ADGRL3: variants seen among roughly 807,000 people sequenced by gnomAD.
ADGRL3 encodes the protein adhesion G protein-coupled receptor L3.
ADGRL3 carries 62 observed loss-of-function variants against 153.5 expected under a neutral mutation model. That is an observed-to-expected ratio of 0.40 (90% CI 0.33 to 0.50). The LOEUF is 0.50. ADGRL3 is among the 20% of genes least tolerant of loss of function. ADGRL3 has a pLI of 0.47. For synonymous variants in ADGRL3, 710 were observed against 672.5 expected (o/e 1.06, Z -0.86); for missense variants, 1,641 against 1,859.4 (o/e 0.88, Z 2.16).
At chr4:61,311,609 G>A (rs1247847706) in intron 1 of ADGRL3, among the ~76,000 whole-genome samples, 1 of 152,130 alleles carries the variant, frequency 6.6e-6, no homozygotes. Context: ...TACCTTATGT[G>A]TCTTAGTGTT....
intron 4 of ADGRL3, 46 bp downstream of exon 4, chr4:61,517,564 G>A (rs1315494067): frequency 2.9e-6 from 2 of 695,586 alleles, no homozygotes; most frequent in Non-Finnish European, 5.3e-6. Context: ...GCTGGGCAGG[G>A]GCTCCTGAGA....
At chr4:61,485,139 G>A (rs2098175591) in intron 2 of ADGRL3, among the ~76,000 whole-genome samples, 1 of 152,092 alleles carries the variant, frequency 6.6e-6, no homozygotes, top group Admixed American at 6.6e-5. Flanking sequence ...CATTAAGAAA[G>A]GTGCTTAATT....
rs2096613267 is a variant in ADGRL3 at position 61,377,145 on chromosome 4, A to G, written c.-239-5979A>G. On this transcript the variant is annotated intron_variant, in intron 1 of 26. Transcript: ENST00000683033. ...GCCTTTACCTTCCCTATCATATCCT[A>G]TGGTATGGTATGGTAGGGAATGGTA... Among the ~76,000 whole-genome samples the G allele has an allele frequency of 2.0e-5, 3 of 151,846 alleles. 1 individual carries two copies. The East Asian group carries it at 5.8e-4, about 29-fold the overall frequency.
intron 5 of ADGRL3, among the ~76,000 whole-genome samples, chr4:61,593,159 A>G (rs1307401829): frequency 6.6e-6 from 1 of 151,852 alleles, no homozygotes; most frequent in Non-Finnish European, 1.5e-5. Context: ...TCATCCTCCC[A>G]CTTTTTAACA....
rs2097290252 is a variant in ADGRL3 at position 61,787,411 on chromosome 4, A to G, written c.1400-26398A>G. ...CATATATGACAGTGATTTGGGAATG[A>G]CTAATTTTTTTGCTAGACAATATCT... On this transcript the variant is annotated intron_variant, in intron 8 of 26. Coordinates refer to ENST00000683033, the MANE Select transcript of ADGRL3 (RefSeq NM_001387552.1). 6.6e-5 allele frequency among the ~76,000 whole-genome samples: 10 copies of G among 152,026 alleles called. No individual in the cohort carries two copies. The South Asian group carries it at 2.1e-3, about 32-fold the overall frequency.
intron 5 of ADGRL3, among the ~76,000 whole-genome samples, chr4:61,589,307 C>T (rs2098959615): frequency 1.3e-5 from 2 of 152,004 alleles, no homozygotes; most frequent in East Asian, 1.9e-4. Context: ...TTAGACTTGT[C>T]CAAAGTAAAT....
chr4:61,733,649 A>G (rs1264755399), intron 8 of ADGRL3, 95 bp downstream of exon 8: 1 of 919,970 alleles, frequency 1.1e-6, no homozygotes, highest in Non-Finnish European at 1.6e-6. Context: ...TATTTGTGGT[A>G]TTCTGGCCTG....
rs60136389 is a variant in ADGRL3 at position 61,314,419 on chromosome 4, G to A, written c.-239-68705G>A. Among the ~76,000 whole-genome samples, 801 of 152,208 alleles carry A rather than the reference G, an allele frequency of 5.3e-3. 8 individuals are homozygous for A. The highest frequency in any genetic ancestry group is 0.018 in the African/African-American group (761 of 41,546). ...AGATGGGGTTTCTCCACGTTGTTCA[G>A]GCTGGTCTCGAACTCCTGACCTCAG... On this transcript the variant is annotated intron_variant, in intron 1 of 26. Coordinates refer to ENST00000683033, the MANE Select transcript of ADGRL3 (RefSeq NM_001387552.1).
At chr4:61,911,217 G>A (rs1456394110) in intron 12 of ADGRL3, among the ~76,000 whole-genome samples, 3 of 152,086 alleles carry the variant, frequency 2.0e-5, no homozygotes, top group Non-Finnish European at 4.4e-5. Context: ...ACTTGTTATA[G>A]CAATACTTTG....
intron 8 of ADGRL3, among the ~76,000 whole-genome samples, chr4:61,750,668 T>A (rs977277333): frequency 6.6e-6 from 1 of 151,008 alleles, no homozygotes; most frequent in African/African-American, 2.4e-5. Flanking sequence ...CGGGCGCCTG[T>A]AGTCCCAGCT....
At chr4:62,026,438 A>T (rs1718588627) in intron 21 of ADGRL3, among the ~76,000 whole-genome samples, 1 of 152,112 alleles carries the variant, frequency 6.6e-6, no homozygotes, top group Non-Finnish European at 1.5e-5. Context: ...GCAAAGTATA[A>T]GTGAAGCTGG....
chr4:61,771,729 C>G (rs1231281660), intron 8 of ADGRL3, among the ~76,000 whole-genome samples: 1 of 151,964 alleles, frequency 6.6e-6, no homozygotes. Context: ...TCCCCACCAC[C>G]TTTTTTAAAC....
At chr4:61,516,775 T>C (rs1173108257) in intron 3 of ADGRL3, among the ~76,000 whole-genome samples, 1 of 152,056 alleles carries the variant, frequency 6.6e-6, no homozygotes, top group African/African-American at 2.4e-5. Context: ...CCTGAAAACA[T>C]ACAAATAAGT....
chr4:61,271,949 A>G (rs2093206591), intron 1 of ADGRL3, among the ~76,000 whole-genome samples: 1 of 152,078 alleles, frequency 6.6e-6, no homozygotes, highest in Admixed American at 6.6e-5. Flanking sequence ...AGGAAAATGT[A>G]GTTCTTTAAC....
intron 2 of ADGRL3, among the ~76,000 whole-genome samples, chr4:61,429,157 G>A (rs2097325024): frequency 6.6e-6 from 1 of 152,112 alleles, no homozygotes; most frequent in African/African-American, 2.4e-5. Flanking sequence ...AACAATCACA[G>A]TATTGTTTGA....
At chr4:61,574,085 T>C (rs945452119) in intron 4 of ADGRL3, among the ~76,000 whole-genome samples, 2 of 151,998 alleles carry the variant, frequency 1.3e-5, no homozygotes, top group African/African-American at 4.8e-5. Flanking sequence ...CAACCTGTTT[T>C]ATAACTAGGG....
intron 9 of ADGRL3, among the ~76,000 whole-genome samples, chr4:61,862,636 C>A (rs2098354730): frequency 6.6e-6 from 1 of 152,140 alleles, no homozygotes; most frequent in Non-Finnish European, 1.5e-5. Context: ...GCCTTCCCCT[C>A]CTTAGTATTG....
intron 9 of ADGRL3, among the ~76,000 whole-genome samples, chr4:61,886,957 A>G (rs1561416897): frequency 1.3e-5 from 2 of 150,942 alleles, no homozygotes; most frequent in South Asian, 4.2e-4. Flanking sequence ...TTCTTTGCCT[A>G]TTTTATTACT....
In ADGRL3 at chr4:62,043,122, ATC is replaced by A. The variant is rs1178280239; in HGVS notation, c.3718-1330_3718-1329del. On this transcript the variant is annotated intron_variant, in intron 24 of 26. Transcript: ENST00000683033. ...CTACCATTGACAGTCATTTTGGTTG[ATC>A]ATATTTCAGCTATAATATTTAATGA... Among the ~76,000 whole-genome samples, 3 of 151,944 alleles carry A rather than the reference ATC, an allele frequency of 2.0e-5. No individual in the cohort carries two copies. In the East Asian group the frequency reaches 5.8e-4, roughly 29 times the overall value.
Sources: gnomAD v4.1 joint callset for allele counts (sites outside exome capture counted in the v4.1 genomes callset) on GRCh38, gnomAD v4.1.1 for gene constraint, MANE v1.5 for transcripts, NCBI Gene and HGNC (gene_info 2026-07-23, HGNC 2026-07-21) for gene names.